MDN1: variants seen among roughly 807,000 people sequenced by gnomAD.
The protein encoded by MDN1 is midasin.
Under a neutral mutation model 669.2 loss-of-function variants are expected in MDN1, and 266 were observed. That is an observed-to-expected ratio of 0.40 (90% CI 0.36 to 0.44). MDN1 has a LOEUF of 0.44. MDN1 is among the 20% of genes least tolerant of loss of function. The pLI is 1.00. For synonymous variants in MDN1, 2,385 were observed against 2,457.1 expected (o/e 0.97, Z 0.87); for missense variants, 5,940 against 6,754.0 (o/e 0.88, Z 4.22).
chr6:89,702,254 C>T (rs1056477095), intron 53 of MDN1, among the ~76,000 whole-genome samples, 193 bp from the exon 54 acceptor site: 3 of 152,132 alleles, frequency 2.0e-5, no homozygotes, highest in African/African-American at 7.2e-5. Flanking sequence ...TATGTAGGAA[C>T]AGTAAGGCAG....
chr6:89,801,644 C>T (rs1562234804), intron 2 of MDN1, among the ~76,000 whole-genome samples: 4 of 142,758 alleles, frequency 2.8e-5, no homozygotes, highest in East Asian at 2.8e-4. Flanking sequence ...AGTGAGACTC[C>T]GTCTCAAAAA....
rs768920791 is a variant in MDN1 at position 89,688,707 on chromosome 6, G to C, written c.11125C>G (p.Pro3709Ala). The change falls in exon 66 of 102, where the codon CCT (proline) becomes GCT (alanine). Residue 3709 changes from proline (P) to alanine (A), a missense_variant. By Grantham distance (27) the Pro-to-Ala change is conservative. Transcript: ENST00000369393. ...TGGTAGAAGTCATAGGGCCCATCAG[G>C]TTTCACCATCAGGTCTGAGGGTGCC... is the stretch of plus-strand genomic sequence containing the variant. ...GEAPSDLMVKPDGPYDFYQHP... is the reference protein window; with the variant it reads ...GEAPSDLMVKADGPYDFYQHP... 3 of 1,614,152 alleles carry C rather than the reference G, an allele frequency of 1.9e-6. No individual in the cohort carries two copies. The South Asian group carries it at 3.3e-5, about 18-fold the overall frequency.
At chr6:89,742,683 G>C (rs1816355367) in intron 31 of MDN1, among the ~76,000 whole-genome samples, 1 of 152,102 alleles carries the variant, frequency 6.6e-6, no homozygotes, top group Non-Finnish European at 1.5e-5. Context: ...GATTCATATT[G>C]GTCTGAGGTC....
At position 89,714,521 on chromosome 6, in the gene MDN1, GCCCAAAAGTCAAGCA is replaced by G; in HGVS notation, c.7069+7_7069+21del. ...TCTTGAAGACTAAAACTCTGCAAAG[GCCCAAAAGTCAAGCA>G]CCTCACCTACAACAGTGCTCCGGGT... On this transcript the variant is annotated splice_region_variant and intron_variant, in intron 46 of 101. Transcript: ENST00000369393. 6.4e-7 allele frequency: 1 copy of G among 1,556,272 alleles called. No individual in the cohort carries two copies. Among genetic ancestry groups the G allele is most frequent in the South Asian group, 1.2e-5 (1 of 82,028 alleles).
chr6:89,667,094 G>T (rs1185531797), intron 84 of MDN1, among the ~76,000 whole-genome samples: 4 of 152,108 alleles, frequency 2.6e-5, no homozygotes, highest in African/African-American at 9.7e-5. Context: ...TTAAAATTCA[G>T]CAGACACTAC....
At chr6:89,773,382 A>G (rs1345026108) in intron 13 of MDN1, among the ~76,000 whole-genome samples, 3 of 151,974 alleles carry the variant, frequency 2.0e-5, no homozygotes, top group African/African-American at 7.3e-5. Context: ...TCTACTAAAA[A>G]TACAAAAATT....
intron 73 of MDN1, among the ~76,000 whole-genome samples, chr6:89,681,377 T>C (rs1811606994): frequency 6.6e-6 from 1 of 152,200 alleles, no homozygotes. Flanking sequence ...TTTTACCACG[T>C]TGGCCAGGCT....
At position 89,708,532 on chromosome 6, in the gene MDN1, TCAGG is replaced by T. The variant is rs778522303; in HGVS notation, c.7858_7861del (p.Pro2620ThrfsTer7). The T allele has an allele frequency of 3.1e-6, 5 of 1,614,128 alleles. No individual in the cohort carries two copies. In the Middle Eastern group the frequency reaches 4.9e-4, roughly 160 times the overall value. The stretch of plus-strand genomic sequence containing the variant: ...TGATTCTAAAAGGGCAAAGAGCTGG[TCAGG>T]CTGGTCCGTTTGTGGGTCAAAGTCC... On this transcript the variant is annotated frameshift_variant, in exon 51 of 102. Coordinates refer to ENST00000369393, the MANE Select transcript of MDN1 (RefSeq NM_014611.3). LOFTEE classifies it high-confidence loss of function.
intron 84 of MDN1, among the ~76,000 whole-genome samples, chr6:89,666,722 G>A (rs989421130): frequency 2.0e-5 from 3 of 152,162 alleles, no homozygotes; most frequent in African/African-American, 4.8e-5. Flanking sequence ...AATGCAGGAG[G>A]ACTCCTTGAG....
intron 49 of MDN1, among the ~76,000 whole-genome samples, chr6:89,711,581 C>A (rs1446671189): frequency 2.0e-5 from 3 of 152,004 alleles, no homozygotes; most frequent in Admixed American, 2.0e-4. Flanking sequence ...TTGTATCAAT[C>A]CCCCACAGAT....
At chr6:89,732,841 C>T in intron 33 of MDN1, 66 bp from the exon 34 acceptor site, 1 of 1,458,112 alleles carries the variant, frequency 6.9e-7, no homozygotes, top group East Asian at 2.3e-5. Context: ...AGTTCATAAC[C>T]AGGGGCACAC....
In MDN1 at chr6:89,658,936, AAGG is replaced by A. The variant is rs761467301; in HGVS notation, c.14714-22_14714-20del. On this transcript the variant is annotated intron_variant, in intron 88 of 101. Coordinates refer to ENST00000369393, the MANE Select transcript of MDN1 (RefSeq NM_014611.3). ...TTCTCTTCTGTATAGATACAACAAA[AAGG>A]AGGAGTGCAGAATTTTTGAAACGTA... The A allele has an allele frequency of 6.8e-5, 106 of 1,566,974 alleles. No individual in the cohort carries two copies. The highest frequency in any genetic ancestry group is 1.4e-4 in the Admixed American group (7 of 50,146).
chr6:89,776,632 T>C lies in MDN1; in HGVS notation c.1789A>G (p.Ile597Val). ...CTAGAAATGTTCAATTTGCTTCCAA[T>C]AACTTCTGCCATTTTCAGTTTGCTT... ...HTSKLKMAEV[I>V]GSKLNISRKK... Residue 597 changes from isoleucine (I) to valine (V), a missense_variant, in exon 12 of 102, where the codon ATT becomes GTT. By Grantham distance (29) the Ile-to-Val change is conservative. Transcript: ENST00000369393. 1 of 1,613,032 alleles carries C rather than the reference T, an allele frequency of 6.2e-7. No homozygotes were observed. Among genetic ancestry groups the C allele is most frequent in the Non-Finnish European group, 8.5e-7 (1 of 1,179,068 alleles).
At chr6:89,754,670 A>T (rs548739601) in intron 20 of MDN1, among the ~76,000 whole-genome samples, 1 of 152,350 alleles carries the variant, frequency 6.6e-6, no homozygotes, top group African/African-American at 2.4e-5. Context: ...GTTAAAAAGC[A>T]GGAGGATACG....
rs143019822 is a variant in MDN1 at position 89,794,775 on chromosome 6, G to A, written c.356C>T (p.Thr119Ile). ...GAAAAGTCTTTGAAAGACTGGGGAT[G>A]TGTCCTTGAAATATCTCAGGGCAAA... Reference protein sequence around the residue: ...LPFALRYFKDTSPVFQRLFLE... With the variant: ...LPFALRYFKDISPVFQRLFLE... The change falls in exon 3 of 102, where the codon ACA (threonine) becomes ATA (isoleucine). Residue 119 changes from threonine (T) to isoleucine (I), a missense_variant. By Grantham distance (89) the Thr-to-Ile change is moderately conservative (BLOSUM62 -1). Around this residue, in one of 5 missense-constraint regions of MDN1, gnomAD observed 1,203 missense variants for 1,268.9 expected, o/e 0.95. Transcript: ENST00000369393. 1.2e-6 allele frequency: 2 copies of A among 1,614,174 alleles called. No individual in the cohort carries two copies. The highest frequency in any genetic ancestry group is 3.3e-5 in the Admixed American group (2 of 60,028).
At chr6:89,716,528 G>C in intron 44 of MDN1, 122 bp downstream of exon 44, 1 of 1,048,938 alleles carries the variant, frequency 9.5e-7, no homozygotes, top group Non-Finnish European at 1.3e-6. Context: ...TATGGCTGAG[G>C]ACGCTTGCGT....
At chr6:89,750,557 A>C (rs1469171883) in intron 23 of MDN1, 25 bp from the exon 24 acceptor site, 1 of 1,574,128 alleles carries the variant, frequency 6.4e-7, no homozygotes, top group South Asian at 1.1e-5. Flanking sequence ...CCAATTAAGC[A>C]ACTTAAAACA....
chr6:89,737,245 G>A (rs1390555163), intron 33 of MDN1, among the ~76,000 whole-genome samples: 2 of 152,158 alleles, frequency 1.3e-5, no homozygotes, highest in East Asian at 1.9e-4. Context: ...AGAATCAGTC[G>A]TCCCTAAAAC....
intron 35 of MDN1, among the ~76,000 whole-genome samples, chr6:89,729,382 A>G (rs1584278301): frequency 1.3e-5 from 2 of 152,308 alleles, no homozygotes; most frequent in African/African-American, 2.4e-5. Context: ...TCCATCTCCT[A>G]TACACATACA....
Sources: gnomAD v4.1 joint callset for allele counts (sites outside exome capture counted in the v4.1 genomes callset) on GRCh38, gnomAD v4.1.1 for gene constraint, gnomAD v4.1.1 regional missense constraint, MANE v1.5 for transcripts, NCBI Gene and HGNC (gene_info 2026-07-23, HGNC 2026-07-21) for gene names.